TNS1: variants seen among roughly 807,000 people sequenced by gnomAD.
The protein encoded by TNS1 is tensin-1.
Under a neutral mutation model 168.6 loss-of-function variants are expected in TNS1, and 62 were observed. That is an observed-to-expected ratio of 0.37 (90% CI 0.30 to 0.45). The LOEUF (loss-of-function observed/expected upper bound fraction) is 0.45, where lower values mean the gene tolerates loss of function less well. TNS1 is among the 20% of genes least tolerant of loss of function. The pLI is 1.00. For missense variants in TNS1, 2,240 were observed against 2,339.4 expected, an observed-to-expected ratio of 0.96 and a Z score of 0.88; for synonymous variants, 934 against 933.2, an observed-to-expected ratio of 1.00 and a Z score of -0.02.
rs201284294 is a variant in TNS1, at chr2:217,813,178, G to A, written c.4954+37C>T. On this transcript the variant is annotated intron_variant, in intron 27 of 32. Coordinates refer to ENST00000682258, the MANE Select transcript of TNS1 (RefSeq NM_001387777.1). The surrounding 1 kb of genome is among the most constrained non-coding windows in gnomAD (Gnocchi z 4.0). ...AACCCAGGACAGGACCAAGACTCAG[G>A]CCAGACTGTAGAGATGGGGGCAGGG... 6.6e-7 allele frequency: 1 copy of A among 1,524,236 alleles called. No homozygotes were observed. The highest frequency in any genetic ancestry group is 1.4e-5 in the African/African-American group (1 of 73,022). 94.4% of individuals were successfully genotyped at this position (1,524,236 alleles called of 1,614,324 possible). A position where few individuals can be genotyped will look rare whatever the true frequency, so the allele number is the denominator to read the frequency against.
chr2:217,984,366 T>A (rs1010510418), intron 2 of TNS1, among the ~76,000 whole-genome samples: 1 of 152,002 alleles, frequency 6.6e-6, no homozygotes, highest in Non-Finnish European at 1.5e-5. Context: ...TGGCTCAGGA[T>A]GGCTTTGAAT....
chr2:217,961,698 C>T (rs752846550), intron 3 of TNS1, among the ~76,000 whole-genome samples: 1 of 152,180 alleles, frequency 6.6e-6, no homozygotes, highest in South Asian at 2.1e-4. Flanking sequence ...TGGGACCCCC[C>T]CATTCTTCAT....
chr2:218,025,006 G>A (rs1958839537), intron 1 of TNS1, among the ~76,000 whole-genome samples: 1 of 152,228 alleles, frequency 6.6e-6, no homozygotes. Flanking sequence ...CAGGAGGGCA[G>A]GCAGCCAGGC....
intron 22 of TNS1, 94 bp downstream of exon 22, chr2:217,831,361 G>T: frequency 8.6e-7 from 1 of 1,165,050 alleles, no homozygotes; most frequent in Non-Finnish European, 1.2e-6. Context: ...AAAGCTGGCT[G>T]CTGACCAGAT....
rs142631109 is a variant in TNS1 at position 218,008,267 on chromosome 2, G to A, written c.96+1833C>T. ...TAATTTCCTGCCTGACTCAGGCCCC[G>A]CAAAGGCTGGAGGGAGGCAGCTGCA... On this transcript the variant is annotated intron_variant, in intron 1 of 32. Transcript: ENST00000646520. 4.3e-3 allele frequency among the ~76,000 whole-genome samples: 649 copies of A among 152,282 alleles called. 6 individuals are homozygous for A. The highest frequency in any genetic ancestry group is 0.014 in the African/African-American group (590 of 41,558).
chr2:218,011,654 C>G (rs1045611753), upstream of TNS1, among the ~76,000 whole-genome samples: 13 of 152,160 alleles, frequency 8.5e-5, no homozygotes, highest in Non-Finnish European at 8.8e-5. Context: ...GAAAGTTTCT[C>G]AGCTAGCTCA....
intron 8 of TNS1, among the ~76,000 whole-genome samples, chr2:217,896,965 T>C (rs1476487837): frequency 6.6e-6 from 1 of 152,122 alleles, no homozygotes; most frequent in Non-Finnish European, 1.5e-5. Context: ...ACTGTTGGGT[T>C]TTTTCTGAAT....
At chr2:217,920,824 C>T (rs11883929) in intron 3 of TNS1, among the ~76,000 whole-genome samples, 5,224 of 152,160 alleles carry the variant, frequency 0.034, 305 homozygotes, top group African/African-American at 0.12. Flanking sequence ...ATGAGTGTGG[C>T]TAACACATGT....
At chr2:217,886,684 G>T in intron 12 of TNS1, 38 bp from the exon 13 acceptor site, 1 of 1,442,272 alleles carries the variant, frequency 6.9e-7, no homozygotes, top group Non-Finnish European at 9.6e-7. Context: ...GGAGTGAGGT[G>T]GGTACTGGTG....
At chr2:217,929,806 A>G (rs1192756747) in intron 3 of TNS1, among the ~76,000 whole-genome samples, 1 of 151,314 alleles carries the variant, frequency 6.6e-6, no homozygotes, top group African/African-American at 2.4e-5. Context: ...TCCTCCTCCT[A>G]AATACCTCTC....
At chr2:217,872,889 T>C (rs986408564) in intron 18 of TNS1, among the ~76,000 whole-genome samples, 2 of 152,230 alleles carry the variant, frequency 1.3e-5, no homozygotes, top group South Asian at 4.1e-4. Context: ...CTGATACATG[T>C]TACAACGTGA....
At chr2:217,856,883 C>T (rs1173355481) in intron 18 of TNS1, among the ~76,000 whole-genome samples, 1 of 152,120 alleles carries the variant, frequency 6.6e-6, no homozygotes, top group Admixed American at 6.5e-5. Context: ...GCTGTGCTGT[C>T]AGTCTTGTCG....
At position 217,818,731 on chromosome 2, in the gene TNS1, C is replaced by G. The variant is rs1247020581; in HGVS notation, c.3601G>C (p.Glu1201Gln). ...GTCCGGGGACCCTGGTCACTGCTCTCTCCCGACGGGAAACTCCCCACTGAA... is the reference window on the plus strand; with the variant it reads ...GTCCGGGGACCCTGGTCACTGCTCTGTCCCGACGGGAAACTCCCCACTGAA... ...STSVGSFPSG[E>Q]SSDQGPRTPT... Residue 1201 changes from glutamate (E) to glutamine (Q), a missense_variant, in exon 24 of 33, where the codon GAG becomes CAG. Glu to Gln is a conservative substitution (Grantham distance 29, BLOSUM62 2). This residue lies in a region of TNS1 where 2,131 missense variants were observed against 2,171.2 expected (regional missense o/e 0.98). Coordinates refer to ENST00000682258, the MANE Select transcript of TNS1 (RefSeq NM_001387777.1). The G allele has an allele frequency of 6.2e-7, 1 of 1,612,778 alleles. No homozygotes were observed. The highest frequency in any genetic ancestry group is 1.7e-5 in the Admixed American group (1 of 59,992).
At position 217,844,560 on chromosome 2, in the gene TNS1, C is replaced by A. The variant is rs1434182211; in HGVS notation, c.3007+2950G>T. Among the ~76,000 whole-genome samples the A allele has an allele frequency of 2.0e-5, 3 of 152,198 alleles. No homozygotes were observed. The East Asian group carries it at 5.8e-4, about 29-fold the overall frequency. On this transcript the variant is annotated intron_variant, in intron 19 of 32. Transcript: ENST00000682258. ...CTGTCTTCACTGTGAACCCTCTCTGCCCAGTGATCCCGTTTACTTTCAAAA... is the reference window on the plus strand; with the variant it reads ...CTGTCTTCACTGTGAACCCTCTCTGACCAGTGATCCCGTTTACTTTCAAAA...
At chr2:217,846,121 G>C (rs572893357) in intron 19 of TNS1, among the ~76,000 whole-genome samples, 3 of 152,154 alleles carry the variant, frequency 2.0e-5, no homozygotes, top group South Asian at 2.1e-4. Context: ...CCCATGGAGC[G>C]TTTCATCCGA....
chr2:217,972,809 G>A (rs1419005380), intron 3 of TNS1, among the ~76,000 whole-genome samples: 1 of 152,230 alleles, frequency 6.6e-6, no homozygotes, highest in African/African-American at 2.4e-5. Context: ...TCAGCAGGGA[G>A]GAAAGCATTT....
chr2:217,916,181 T>C (rs1954982519), intron 4 of TNS1, among the ~76,000 whole-genome samples: 2 of 152,200 alleles, frequency 1.3e-5, no homozygotes, highest in African/African-American at 4.8e-5. Context: ...TCTCTCACTG[T>C]TGCTATTACT....
At chr2:217,942,402 C>A (rs1956957827) in intron 3 of TNS1, among the ~76,000 whole-genome samples, 1 of 152,178 alleles carries the variant, frequency 6.6e-6, no homozygotes, top group Non-Finnish European at 1.5e-5. Context: ...CCATTCGGGT[C>A]TCTCCCCCCA....
intron 3 of TNS1, among the ~76,000 whole-genome samples, chr2:217,959,904 T>C (rs1957456425): frequency 6.6e-6 from 1 of 152,022 alleles, no homozygotes; most frequent in East Asian, 1.9e-4. Context: ...TGAGGGGAGA[T>C]GCCTCGCCGC....
Sources: allele counts gnomAD v4.1 joint callset (sites outside exome capture counted in the v4.1 genomes callset), GRCh38; gene constraint gnomAD v4.1.1; regional missense constraint gnomAD v4.1.1; non-coding constraint Gnocchi (gnomAD v3.1); transcripts MANE v1.5; gene names NCBI Gene and HGNC (gene_info 2026-07-23, HGNC 2026-07-21).